The following CNTRL variants were observed in gnomAD, a reference collection of about 807,000 sequenced individuals.
CNTRL encodes the protein centriolin, also known as 110 kDa centrosomal protein.
A neutral mutation model predicts 303.7 loss-of-function variants in CNTRL; 233 were observed. That is an observed-to-expected ratio of 0.77 (90% confidence interval 0.69 to 0.86). CNTRL has a LOEUF of 0.86. Among genes scored for constraint, CNTRL ranks in the 40% least tolerant of loss-of-function variants. The pLI, the probability that CNTRL is intolerant of heterozygous loss-of-function variation, is 0.00. For missense variants in CNTRL, 2,524 were observed against 2,650.6 expected (o/e 0.95, Z 1.05); for synonymous variants, 900 against 922.2 (o/e 0.98, Z 0.44).
intron 16 of CNTRL, among the ~76,000 whole-genome samples, chr9:121,139,357 G>T (rs2051375825): frequency 6.6e-6 from 1 of 152,150 alleles, no homozygotes; most frequent in Admixed American, 6.5e-5. Flanking sequence ...GGCTGGCTGA[G>T]ATGGTAGCTG....
intron 31 of CNTRL, among the ~76,000 whole-genome samples, chr9:121,159,688 A>T (rs1232227714): frequency 1.3e-5 from 2 of 152,000 alleles, no homozygotes; most frequent in Non-Finnish European, 2.9e-5. Flanking sequence ...ATTTCAAAAA[A>T]AAAAAAAAAG....
intron 34 of CNTRL, among the ~76,000 whole-genome samples, chr9:121,162,888 CAT>C (rs1198706823): frequency 6.6e-6 from 1 of 152,074 alleles, no homozygotes; most frequent in African/African-American, 2.4e-5. Flanking sequence ...AATAAACTGA[CAT>C]ATATGTGAAC....
chr9:121,149,670 G>A (rs2052101968), intron 24 of CNTRL, among the ~76,000 whole-genome samples: 1 of 152,098 alleles, frequency 6.6e-6, no homozygotes, highest in Non-Finnish European at 1.5e-5. Context: ...GCCTCCCAAA[G>A]TGCTGGGATT....
Position 121,157,873 on chromosome 9 carries a change from A to G in CNTRL, c.4630A>G (p.Thr1544Ala), listed in dbSNP as rs1428850193. Residue 1544 changes from threonine (T) to alanine (A), a missense_variant, in exon 29 of 44, where the codon ACA becomes GCA. By Grantham distance (58) the Thr-to-Ala change is moderately conservative. Transcript: ENST00000373855. The part of the protein sequence containing the change: ...QCLSKKKEKL[T>A]EELQKLQKDI... The stretch of plus-strand genomic sequence containing the variant: ...TTTAAGCAAGAAGAAGGAAAAACTG[A>G]CAGAAGAGTAAGTAAGGCCTCTGTA... The G allele has an allele frequency of 6.2e-7, 1 of 1,614,044 alleles. No individual in the cohort carries two copies. The highest frequency in any genetic ancestry group is 8.5e-7 in the Non-Finnish European group (1 of 1,179,992).
chr9:121,124,736 G>A (rs1386066644), intron 13 of CNTRL, among the ~76,000 whole-genome samples: 1 of 146,520 alleles, frequency 6.8e-6, no homozygotes, highest in African/African-American at 2.5e-5. Context: ...CCAGGAGTTC[G>A]AGATCAGCAT....
At chr9:121,138,274 A>G (rs2051304672) in intron 15 of CNTRL, among the ~76,000 whole-genome samples, 1 of 152,198 alleles carries the variant, frequency 6.6e-6, no homozygotes, top group African/African-American at 2.4e-5. Flanking sequence ...TTTTAAAGGT[A>G]GGTGCCTCGG....
intron 13 of CNTRL, among the ~76,000 whole-genome samples, chr9:121,124,725 C>T (rs1038033073): frequency 6.6e-6 from 1 of 150,732 alleles, no homozygotes; most frequent in Admixed American, 6.6e-5. Flanking sequence ...ATCATTTGAG[C>T]CCAGGAGTTC....
chr9:121,124,157 T>A, intron 13 of CNTRL, 73 bp downstream of exon 13: 1 of 1,301,490 alleles, frequency 7.7e-7, no homozygotes, highest in Non-Finnish European at 1.1e-6. Context: ...AGACAAGCAT[T>A]AATCCAGATA....
chr9:121,097,087 T>C (rs945445636), intron 6 of CNTRL, among the ~76,000 whole-genome samples: 5 of 152,322 alleles, frequency 3.3e-5, no homozygotes, highest in Admixed American at 3.3e-4. Context: ...AACTTTGTTA[T>C]GATTTACATA....
chr9:121,126,235 T>C (rs910982140), intron 14 of CNTRL, among the ~76,000 whole-genome samples: 1 of 152,238 alleles, frequency 6.6e-6, no homozygotes, highest in Non-Finnish European at 1.5e-5. Flanking sequence ...ACAAATATTG[T>C]ATTAAATGCT....
chr9:121,108,564 T>C (rs984342113), intron 8 of CNTRL, among the ~76,000 whole-genome samples: 3 of 152,188 alleles, frequency 2.0e-5, no homozygotes, highest in Non-Finnish European at 2.9e-5. Flanking sequence ...GCTTTTTTTT[T>C]CTATACCTAT....
At chr9:121,099,592 G>C (rs1009839309) in intron 7 of CNTRL, among the ~76,000 whole-genome samples, 1 of 151,922 alleles carries the variant, frequency 6.6e-6, no homozygotes, top group African/African-American at 2.4e-5. Context: ...TCAGAAGATC[G>C]GTAATAACAA....
In CNTRL at chr9:121,168,307, C is replaced by T; in HGVS notation, c.6056C>T (p.Thr2019Ile). 6.2e-7 allele frequency: 1 copy of T among 1,613,860 alleles called. No individual in the cohort carries two copies. The highest frequency in any genetic ancestry group is 8.5e-7 in the Non-Finnish European group (1 of 1,179,758). ...EERWCESLEK[T>I]LSQTKRQLSE... ...AGGTGGTGTGAGAGCCTGGAGAAGA[C>T]ACTCTCCCAAACTAGTATGTATTCT... Residue 2019 changes from threonine (T) to isoleucine (I), a missense_variant, in exon 38 of 44, where the codon ACA becomes ATA. Thr to Ile is a moderately conservative substitution (Grantham distance 89). Coordinates refer to ENST00000373855, the MANE Select transcript of CNTRL (RefSeq NM_007018.6).
chr9:121,090,515 T>G, intron 4 of CNTRL, 110 bp downstream of exon 4: 1 of 970,108 alleles, frequency 1.0e-6, no homozygotes, highest in Non-Finnish European at 1.5e-6. Flanking sequence ...AGACCTTTTA[T>G]TGTTTCCAGT....
At chr9:121,086,234 G>A (rs2048335920) in intron 2 of CNTRL, among the ~76,000 whole-genome samples, 1 of 152,206 alleles carries the variant, frequency 6.6e-6, no homozygotes, top group East Asian at 1.9e-4. Context: ...TCGGGAGACA[G>A]TGTAAACAAA....
chr9:121,148,611 T>C (rs1270034699), intron 23 of CNTRL, 61 bp from the exon 24 acceptor site: 2 of 1,476,862 alleles, frequency 1.4e-6, no homozygotes, highest in Admixed American at 2.1e-5. Context: ...GACTTTGACG[T>C]TTCTTAAAAT....
chr9:121,154,732 A>G lies in CNTRL; in HGVS notation c.4184A>G (p.Asp1395Gly), dbSNP rs199844352. The G allele has an allele frequency of 8.2e-5, 131 of 1,596,238 alleles. No individual in the cohort carries two copies. Among genetic ancestry groups the G allele is most frequent in the Non-Finnish European group, 6.0e-6 (7 of 1,164,784 alleles). The change falls in exon 27 of 44, where the codon GAT (aspartate) becomes GGT (glycine). Residue 1395 changes from aspartate to glycine, a missense_variant. Coordinates refer to ENST00000373855, the MANE Select transcript of CNTRL (RefSeq NM_007018.6). ...QKRQQQKDFI[D>G]GNVESLMTEL... is the part of the protein sequence containing the mutation. ...ATATTATTTTTTAGGGACTTCATTG[A>G]TGGAAATGTTGAGAGTCTTATGACT...
chr9:121,109,378 C>G (rs2049639521), intron 8 of CNTRL, among the ~76,000 whole-genome samples: 2 of 152,094 alleles, frequency 1.3e-5, no homozygotes, highest in Admixed American at 1.3e-4. Flanking sequence ...TCTTAACTTT[C>G]ACAAAACAGC....
chr9:121,162,625 C>T lies in CNTRL; in HGVS notation c.5423+354C>T, dbSNP rs533750365. On this transcript the variant is annotated intron_variant, in intron 34 of 43. Coordinates refer to ENST00000373855, the MANE Select transcript of CNTRL (RefSeq NM_007018.6). ...CAGTTAACAATTAAAATCTCAATAG[C>T]CTTTCCTTGTGGAAATTGACAAGCT... is the stretch of plus-strand genomic sequence containing the variant. Among the ~76,000 whole-genome samples the T allele has an allele frequency of 4.6e-5, 7 of 152,174 alleles. No homozygotes were observed. In the South Asian group the frequency reaches 1.4e-3, roughly 32 times the overall value.
Sources: gnomAD v4.1 joint callset for allele counts (sites outside exome capture counted in the v4.1 genomes callset) on GRCh38, gnomAD v4.1.1 for gene constraint, MANE v1.5 for transcripts, NCBI Gene and HGNC (gene_info 2026-07-23, HGNC 2026-07-21) for gene names.